ITSN1: variants seen among roughly 807,000 people sequenced by gnomAD.
ITSN1 encodes the protein intersectin-1.
In ITSN1, 58 loss-of-function variants were observed where a neutral mutation model predicts 239.8. The observed-to-expected ratio is 0.24, with a 90% CI of 0.20 to 0.30. The LOEUF (loss-of-function observed/expected upper bound fraction) is 0.30, where lower values mean the gene tolerates loss of function less well. ITSN1 is among the 10% of genes least tolerant of loss of function. The pLI is 1.00. For missense variants in ITSN1, 1,558 were observed against 2,103.3 expected (o/e 0.74, Z 5.07); for synonymous variants, 780 against 770.8 (o/e 1.01, Z -0.20).
At chr21:33,743,207 T>G (rs775359830) in intron 5 of ITSN1, among the ~76,000 whole-genome samples, 5 of 152,272 alleles carry the variant, frequency 3.3e-5, no homozygotes, top group Non-Finnish European at 5.9e-5. Flanking sequence ...GGCTCACGCC[T>G]GTAATCCCAG....
intron 26 of ITSN1, 57 bp from the exon 27 acceptor site, chr21:33,829,567 G>A (rs201324915): frequency 7.5e-6 from 12 of 1,594,310 alleles, no homozygotes; most frequent in Non-Finnish European, 9.4e-6. Context: ...CATCTTCTTG[G>A]CCTTTTCTCC....
intron 5 of ITSN1, among the ~76,000 whole-genome samples, chr21:33,743,271 G>T (rs918893644): frequency 6.6e-6 from 1 of 152,220 alleles, no homozygotes; most frequent in African/African-American, 2.4e-5. Context: ...TTCAAGACCA[G>T]CCTGGCCAAC....
At chr21:33,842,183 C>G (rs2074847169) in intron 29 of ITSN1, among the ~76,000 whole-genome samples, 2 of 152,028 alleles carry the variant, frequency 1.3e-5, no homozygotes, top group South Asian at 2.1e-4. Flanking sequence ...GCGTGAGCCA[C>G]CGCGCCCGGC....
intron 1 of ITSN1, among the ~76,000 whole-genome samples, chr21:33,691,063 A>G (rs1473094711): frequency 1.3e-5 from 2 of 151,280 alleles, no homozygotes; most frequent in Non-Finnish European, 2.9e-5. Flanking sequence ...TCAGTTAATC[A>G]GTTTCTCTTC....
intron 1 of ITSN1, among the ~76,000 whole-genome samples, chr21:33,644,654 AT>A (rs34233415): frequency 0.012 from 1,677 of 138,502 alleles, 7 homozygotes; most frequent in African/African-American, 0.026. Flanking sequence ...CGCTGTTAGC[AT>A]TTTTTTTTTT....
intron 29 of ITSN1, among the ~76,000 whole-genome samples, chr21:33,850,676 G>A (rs1334725465): frequency 4.6e-5 from 7 of 152,184 alleles, no homozygotes; most frequent in Admixed American, 2.6e-4. Context: ...CTTGGAGAAC[G>A]CTGGGGTTTC....
At chr21:33,844,783 G>A (rs2074938076) in intron 29 of ITSN1, among the ~76,000 whole-genome samples, 1 of 152,104 alleles carries the variant, frequency 6.6e-6, no homozygotes, top group Admixed American at 6.5e-5. Context: ...TTACCTTGGA[G>A]TCCTGAGGCC....
At chr21:33,645,177 A>G (rs1259754665) in intron 1 of ITSN1, among the ~76,000 whole-genome samples, 1 of 152,194 alleles carries the variant, frequency 6.6e-6, no homozygotes, top group East Asian at 1.9e-4. Context: ...TGTGAGTTGT[A>G]GAGAATTGAT....
intron 1 of ITSN1, among the ~76,000 whole-genome samples, chr21:33,677,432 C>T (rs1192854940): frequency 6.6e-6 from 1 of 151,874 alleles, no homozygotes; most frequent in African/African-American, 2.4e-5. Context: ...CCTCGCCTCC[C>T]TGGTTCAAGG....
At chr21:33,723,865 T>G (rs1157364658) in intron 4 of ITSN1, among the ~76,000 whole-genome samples, 1 of 152,218 alleles carries the variant, frequency 6.6e-6, no homozygotes, top group Non-Finnish European at 1.5e-5. Context: ...CTCCAGGGGC[T>G]GGGTATTCTA....
rs2069199107 is a variant in ITSN1, at chr21:33,771,980, A to G, written c.1043-81A>G. On this transcript the variant is annotated intron_variant, in intron 11 of 39. Coordinates refer to ENST00000381318, the MANE Select transcript of ITSN1 (RefSeq NM_003024.3). ...GGTTTGGGTTTGTACTACAAATTTC[A>G]AATACATTGGTGAGTTTTCCTTTGA... is the stretch of plus-strand genomic sequence containing the variant. 4.6e-6 allele frequency: 7 copies of G among 1,508,246 alleles called. No individual in the cohort carries two copies. The East Asian group carries it at 1.6e-4, about 34-fold the overall frequency. The allele number at this position is 1,508,246 out of a possible 1,614,324, so 93.4% of individuals were successfully genotyped here.
chr21:33,650,807 T>C (rs1467654052), intron 1 of ITSN1, among the ~76,000 whole-genome samples: 1 of 152,224 alleles, frequency 6.6e-6, no homozygotes, highest in Non-Finnish European at 1.5e-5. Context: ...AGTAGTTCCC[T>C]TTGCCTTTAT....
rs1169406496 is a variant in ITSN1, at chr21:33,836,514, C to T, written c.3543C>T (p.Ile1181=). Residue 1181 remains isoleucine, a synonymous_variant, in exon 29 of 40, where the codon ATC becomes ATT. Coordinates refer to ENST00000381318, the MANE Select transcript of ITSN1 (RefSeq NM_003024.3). ...DDELAFNKGQ[I]INVLNKEDPD... ...AGCTGGCCTTCAACAAGGGCCAGATCATCAACGTCCTCAACAAGGAGGACC... is the reference window on the plus strand; with the variant it reads ...AGCTGGCCTTCAACAAGGGCCAGATTATCAACGTCCTCAACAAGGAGGACC... 6.2e-7 allele frequency: 1 copy of T among 1,613,960 alleles called. No individual in the cohort carries two copies. Among genetic ancestry groups the T allele is most frequent in the African/African-American group, 1.3e-5 (1 of 74,914 alleles).
At chr21:33,849,737 C>T (rs1268791627) in intron 29 of ITSN1, among the ~76,000 whole-genome samples, 1 of 152,170 alleles carries the variant, frequency 6.6e-6, no homozygotes, top group Non-Finnish European at 1.5e-5. Context: ...GATTATTACA[C>T]ATTGCATCCC....
chr21:33,715,038 T>A (rs2065057158), intron 1 of ITSN1, among the ~76,000 whole-genome samples: 1 of 152,004 alleles, frequency 6.6e-6, no homozygotes, highest in Non-Finnish European at 1.5e-5. Flanking sequence ...CTTAATAAAA[T>A]TATAAAAAAT....
intron 29 of ITSN1, among the ~76,000 whole-genome samples, chr21:33,848,594 T>C (rs990810983): frequency 6.6e-6 from 1 of 152,172 alleles, no homozygotes; most frequent in African/African-American, 2.4e-5. Flanking sequence ...TCCCTGTCTG[T>C]TCAGTGGGGG....
At chr21:33,806,047 C>CAAAAA (rs762086740) in intron 20 of ITSN1, among the ~76,000 whole-genome samples, 1 of 113,012 alleles carries the variant, frequency 8.8e-6, no homozygotes, top group African/African-American at 3.3e-5. Context: ...ACTAAAAATA[C>CAAAAA]AAAAAAAAAA....
chr21:33,817,123 T>C, intron 22 of ITSN1: 3 of 1,178,158 alleles, frequency 2.5e-6, no homozygotes, highest in African/African-American at 3.2e-5. Context: ...TCCATTCATA[T>C]ATATGATTGA....
chr21:33,651,082 C>T (rs537443185), intron 1 of ITSN1, among the ~76,000 whole-genome samples: 138 of 152,350 alleles, frequency 9.1e-4, no homozygotes, highest in Middle Eastern at 3.4e-3. Flanking sequence ...TGCTGCCTGG[C>T]AGACACGCAA....
Sources: gnomAD v4.1 joint callset for allele counts (sites outside exome capture counted in the v4.1 genomes callset) on GRCh38, gnomAD v4.1.1 for gene constraint, MANE v1.5 for transcripts, NCBI Gene and HGNC (gene_info 2026-07-23, HGNC 2026-07-21) for gene names.